Variants in LRP1B observed in about 807,000 individuals in gnomAD.
The protein encoded by LRP1B is LDL receptor related protein 1B.
In LRP1B, 217 loss-of-function variants were observed where a neutral mutation model predicts 556.6. That is an observed-to-expected ratio of 0.39 (90% CI 0.35 to 0.44). The LOEUF (loss-of-function observed/expected upper bound fraction) is 0.44, where lower values mean the gene tolerates loss of function less well. Among genes scored for constraint, LRP1B ranks in the 20% least tolerant of loss-of-function variants. The pLI is 1.00. For missense variants in LRP1B, 5,053 were observed against 5,620.8 expected (o/e 0.90, Z 3.23); for synonymous variants, 2,047 against 1,865.8 (o/e 1.10, Z -2.50).
chr2:140,890,600 A>C (rs1035395216), intron 23 of LRP1B, among the ~76,000 whole-genome samples: 1 of 152,092 alleles, frequency 6.6e-6, no homozygotes, highest in Non-Finnish European at 1.5e-5. Context: ...AAACTAGTTT[A>C]CCAAAGATCA....
intron 63 of LRP1B, among the ~76,000 whole-genome samples, chr2:140,447,997 C>T (rs1005435161): frequency 6.6e-6 from 1 of 151,414 alleles, no homozygotes; most frequent in South Asian, 2.1e-4. Flanking sequence ...TGTGGTGTTC[C>T]AAAACAATTA....
intron 1 of LRP1B, among the ~76,000 whole-genome samples, chr2:141,942,263 T>A (rs1223118566): frequency 6.6e-6 from 1 of 152,224 alleles, no homozygotes; most frequent in African/African-American, 2.4e-5. Flanking sequence ...TGACAGCTTC[T>A]TTAGGCACTG....
At chr2:141,528,861 T>A (rs938235790) in intron 2 of LRP1B, among the ~76,000 whole-genome samples, 2 of 152,178 alleles carry the variant, frequency 1.3e-5, no homozygotes, top group African/African-American at 4.8e-5. Flanking sequence ...ACTTAAGTAC[T>A]GTTTACCTTT....
At chr2:140,717,774 G>A (rs1449358382) in intron 35 of LRP1B, among the ~76,000 whole-genome samples, 1 of 151,976 alleles carries the variant, frequency 6.6e-6, no homozygotes, top group African/African-American at 2.4e-5. Flanking sequence ...TAAAGAAAAT[G>A]CAATTAGTAT....
chr2:141,424,731 A>G (rs1351544741), intron 3 of LRP1B, among the ~76,000 whole-genome samples: 1 of 152,192 alleles, frequency 6.6e-6, no homozygotes, highest in Non-Finnish European at 1.5e-5. Flanking sequence ...AGTGTTCTAC[A>G]GACCTGGGTT....
intron 2 of LRP1B, among the ~76,000 whole-genome samples, chr2:141,664,307 A>T (rs567720388): frequency 6.6e-6 from 1 of 152,342 alleles, no homozygotes; most frequent in African/African-American, 2.4e-5. Flanking sequence ...GAACACAAGG[A>T]TGCCCTCTCT....
intron 1 of LRP1B, among the ~76,000 whole-genome samples, chr2:141,845,307 C>A (rs1697609304): frequency 6.6e-6 from 1 of 151,622 alleles, no homozygotes; most frequent in Non-Finnish European, 1.5e-5. Flanking sequence ...CAAATGGGAT[C>A]AGGTTTAAAT....
intron 2 of LRP1B, among the ~76,000 whole-genome samples, chr2:141,548,623 AT>A (rs969067974): frequency 3.4e-4 from 52 of 152,084 alleles, no homozygotes; most frequent in South Asian, 8.3e-4. Context: ...CTTGGGTAGG[AT>A]TTTTTTTGGT....
chr2:141,943,965 A>G (rs1264657957), intron 1 of LRP1B, among the ~76,000 whole-genome samples: 3 of 152,184 alleles, frequency 2.0e-5, no homozygotes, highest in Admixed American at 1.3e-4. Context: ...CTCATCTCCC[A>G]GATTGAATCC....
rs545718057 is a variant in LRP1B, at chr2:140,363,461, G to A, written c.11131+1200C>T. On this transcript the variant is annotated intron_variant, in intron 72 of 90. Coordinates refer to ENST00000389484, the MANE Select transcript of LRP1B (RefSeq NM_018557.3). The stretch of plus-strand genomic sequence containing the variant: ...TGGTTTTGTGGTCAAGTGGAATAGA[G>A]AATAGAAAAAAAATCACATAATTGA... Among the ~76,000 whole-genome samples, 8 of 151,460 alleles carry A rather than the reference G, an allele frequency of 5.3e-5. No individual in the cohort carries two copies. In the East Asian group the frequency reaches 1.6e-3, roughly 30 times the overall value.
intron 41 of LRP1B, among the ~76,000 whole-genome samples, chr2:140,678,964 A>G (rs187954616): frequency 6.6e-6 from 1 of 152,156 alleles, no homozygotes; most frequent in East Asian, 1.9e-4. Context: ...TTTTGTAGAG[A>G]CAGGGTTTCA....
chr2:140,477,513 G>A (rs1688022701), intron 59 of LRP1B, among the ~76,000 whole-genome samples: 1 of 151,946 alleles, frequency 6.6e-6, no homozygotes, highest in Non-Finnish European at 1.5e-5. Context: ...AAATATCTCA[G>A]AAGTGAAAAA....
chr2:140,849,680 C>T (rs954901940), intron 29 of LRP1B, among the ~76,000 whole-genome samples: 3 of 152,044 alleles, frequency 2.0e-5, no homozygotes, highest in Non-Finnish European at 4.4e-5. Context: ...GCTGGGATTA[C>T]ATGTGTGCAC....
intron 23 of LRP1B, 119 bp from the exon 24 acceptor site, chr2:140,886,454 C>G: frequency 1.7e-6 from 1 of 598,234 alleles, no homozygotes; most frequent in Non-Finnish European, 2.7e-6. Flanking sequence ...TGTCTTAAAA[C>G]AGCAATTTCT....
intron 2 of LRP1B, among the ~76,000 whole-genome samples, chr2:141,538,805 A>G (rs1685150709): frequency 6.6e-6 from 1 of 152,078 alleles, no homozygotes; most frequent in South Asian, 2.1e-4. Flanking sequence ...CACCTGGCTA[A>G]TTTTTGTATT....
At chr2:140,911,374 T>TTTCATTGAATACTCTTGTGCTGC (rs1274743272) in intron 21 of LRP1B, among the ~76,000 whole-genome samples, 1 of 151,776 alleles carries the variant, frequency 6.6e-6, no homozygotes, top group Non-Finnish European at 1.5e-5. Context: ...AAGAGATACT[T>TTTCATTGAATACTCTTGTGCTGC]TTCATTGAAT....
intron 10 of LRP1B, among the ~76,000 whole-genome samples, chr2:141,050,640 G>A (rs1303078607): frequency 1.3e-5 from 2 of 151,860 alleles, no homozygotes; most frequent in African/African-American, 4.8e-5. Flanking sequence ...AACTCAAGAT[G>A]GATTAAAGAC....
intron 87 of LRP1B, among the ~76,000 whole-genome samples, chr2:140,246,120 C>T (rs1379412972): frequency 2.6e-5 from 4 of 151,282 alleles, no homozygotes; most frequent in African/African-American, 9.7e-5. Flanking sequence ...AGATGGGAAG[C>T]CTGCTTCTAG....
At chr2:140,942,231 C>T (rs549039466) in intron 20 of LRP1B, among the ~76,000 whole-genome samples, 9 of 151,822 alleles carry the variant, frequency 5.9e-5, no homozygotes, top group African/African-American at 7.3e-5. Flanking sequence ...AACGCAGTCA[C>T]GCAAAAATAA....
Sources: allele counts gnomAD v4.1 joint callset (sites outside exome capture counted in the v4.1 genomes callset), GRCh38; gene constraint gnomAD v4.1.1; transcripts MANE v1.5; gene names NCBI Gene and HGNC (gene_info 2026-07-23, HGNC 2026-07-21).